BNIP5: variants seen among roughly 807,000 people sequenced by gnomAD.
BNIP5 encodes BCL2 interacting protein 5.
Under a neutral mutation model 67.3 loss-of-function variants are expected in BNIP5, and 61 were observed. The ratio of observed to expected loss-of-function variants is 0.91; its 90% CI spans 0.74 to 1.12. The LOEUF (loss-of-function observed/expected upper bound fraction) is 1.12, where lower values mean the gene tolerates loss of function less well. Ranked by LOEUF, BNIP5 falls within the 50% of genes most tolerant of loss-of-function variation. The pLI is 0.00. For synonymous variants in BNIP5, 317 were observed against 319.0 expected (o/e 0.99, Z 0.07); for missense variants, 826 against 816.3 (o/e 1.01, Z -0.14).
intron 11 of BNIP5, among the ~76,000 whole-genome samples, 199 bp downstream of exon 11, chr6:36,319,157 G>A (rs1470813516): frequency 1.3e-5 from 2 of 152,166 alleles, no homozygotes; most frequent in African/African-American, 4.8e-5. Context: ...AATCAGTGAG[G>A]TTTCAGAAAA....
In BNIP5 at chr6:36,326,659, G is replaced by T. The variant is rs1207893589; in HGVS notation, c.887C>A (p.Thr296Asn). The T allele has an allele frequency of 6.2e-7, 1 of 1,614,108 alleles. No individual in the cohort carries two copies. Among genetic ancestry groups the T allele is most frequent in the African/African-American group, 1.3e-5 (1 of 74,932 alleles). The change falls in exon 5 of 12, where the codon ACC becomes AAC. Residue 296 changes from threonine to asparagine, a missense_variant. Physicochemically the swap from Thr to Asn is moderately conservative, Grantham distance 65 (BLOSUM62 0). Transcript: ENST00000437635. ...SQEKKTSLKR[T>N]SKTNPKKHGS... ...GTGTTTCTTGGGGTTTGTCTTTGAG[G>T]TTCTCTTGAGGCTTGTCTTTTTCTC...
At position 36,326,627 on chromosome 6, in the gene BNIP5, C is replaced by T. The variant is rs761242385; in HGVS notation, c.919G>A (p.Glu307Lys). The change falls in exon 5 of 12, where the codon GAG (glutamate) becomes AAG (lysine). Residue 307 changes from glutamate (E) to lysine (K), a missense_variant. By Grantham distance (56) the Glu-to-Lys change is moderately conservative (BLOSUM62 1). Coordinates refer to ENST00000437635, the MANE Select transcript of BNIP5 (RefSeq NM_001010903.5). ...SKTNPKKHGS[E>K]EAKRGAADVS... ...TCTGCAGCCCCCCTCTTGGCCTCCT[C>T]GGAGCCGTGTTTCTTGGGGTTTGTC... 6.2e-6 allele frequency: 10 copies of T among 1,614,222 alleles called. No homozygotes were observed. Among genetic ancestry groups the T allele is most frequent in the East Asian group, 2.2e-5 (1 of 44,878 alleles).
chr6:36,324,069 C>G, intron 7 of BNIP5, 60 bp downstream of exon 7: 1 of 1,275,994 alleles, frequency 7.8e-7, no homozygotes, highest in Non-Finnish European at 1.1e-6. Flanking sequence ...AGTTGTTACA[C>G]CAGGCAGGGT....
intron 2 of BNIP5, among the ~76,000 whole-genome samples, chr6:36,328,989 T>C (rs1771825476): frequency 6.6e-6 from 1 of 152,110 alleles, no homozygotes; most frequent in South Asian, 2.1e-4. Context: ...TTTTGAGTGC[T>C]GCAAGGCAGA....
intron 7 of BNIP5, 47 bp downstream of exon 7, chr6:36,324,082 G>A (rs773604482): frequency 7.0e-7 from 1 of 1,438,074 alleles, no homozygotes; most frequent in Non-Finnish European, 9.8e-7. Flanking sequence ...GGCAGGGTTG[G>A]GGAGCCCACA....
intron 7 of BNIP5, 120 bp from the exon 8 acceptor site, chr6:36,323,653 C>T (rs1281993413): frequency 1.8e-6 from 2 of 1,138,986 alleles, no homozygotes; most frequent in Non-Finnish European, 2.5e-6. Context: ...GTGGTTGATG[C>T]TCAGTGCTGG....
intron 6 of BNIP5, among the ~76,000 whole-genome samples, chr6:36,324,530 A>AG (rs915305278): frequency 3.8e-5 from 5 of 132,788 alleles, no homozygotes; most frequent in African/African-American, 5.8e-5. Context: ...GGCAGGGGAT[A>AG]GGGGGCAGAG....
At chr6:36,333,295 G>A (rs1476987302) in intron 1 of BNIP5, among the ~76,000 whole-genome samples, 1 of 152,198 alleles carries the variant, frequency 6.6e-6, no homozygotes, top group Non-Finnish European at 1.5e-5. Context: ...TCAGGTCGGG[G>A]AGGAGGCAGG....
intron 9 of BNIP5, 37 bp downstream of exon 9, chr6:36,322,274 G>A (rs1176716120): frequency 5.6e-6 from 9 of 1,612,482 alleles, no homozygotes; most frequent in East Asian, 2.2e-5. Context: ...AGAAGCACCC[G>A]GGAAGCTGTC....
chr6:36,328,818 C>G, intron 2 of BNIP5, 104 bp from the exon 3 acceptor site: 1 of 781,832 alleles, frequency 1.3e-6, no homozygotes, highest in East Asian at 2.5e-5. Flanking sequence ...GCACAGAATT[C>G]ACAGTGCAAC....
rs770968469 is a variant in BNIP5, at chr6:36,327,146, CCTT to C, written c.728-55_728-53del. On this transcript the variant is annotated intron_variant, in intron 3 of 11. Transcript: ENST00000437635. ...ATTCTTTCTAAATGCACTGACAACTCCTTCTAAATTACCATCTTGGATAGTTCT... is the reference window on the plus strand; with the variant it reads ...ATTCTTTCTAAATGCACTGACAACTCCTAAATTACCATCTTGGATAGTTCT... 4.8e-6 allele frequency: 7 copies of C among 1,470,894 alleles called. No individual in the cohort carries two copies. In the South Asian group the frequency reaches 8.0e-5, roughly 17 times the overall value. The allele number at this position is 1,470,894 out of a possible 1,614,324, so 91.1% of individuals were successfully genotyped here.
At position 36,330,344 on chromosome 6, in the gene BNIP5, C is replaced by G; in HGVS notation, c.347G>C (p.Arg116Thr). The G allele has an allele frequency of 1.9e-6, 3 of 1,614,208 alleles. No individual in the cohort carries two copies. The highest frequency in any genetic ancestry group is 2.5e-6 in the Non-Finnish European group (3 of 1,180,038). Reference sequence around the variant, plus strand: ...CCTTGGCCTCCTGCTGGCCTTTTCTCTGGGCTCCTCAGGGCCCGTCCTCAC... The same window carrying G: ...CCTTGGCCTCCTGCTGGCCTTTTCTGTGGGCTCCTCAGGGCCCGTCCTCAC... ...FFVRTGPEEP[R>T]EKASRRPRGK... The change falls in exon 2 of 12, where the codon AGA becomes ACA. Residue 116 changes from arginine (R) to threonine (T), a missense_variant. Arg to Thr is a moderately conservative substitution (Grantham distance 71). Coordinates refer to ENST00000437635, the MANE Select transcript of BNIP5 (RefSeq NM_001010903.5).
At position 36,330,094 on chromosome 6, in the gene BNIP5, G is replaced by A; in HGVS notation, c.597C>T (p.Gly199=). 1.2e-6 allele frequency: 2 copies of A among 1,605,572 alleles called. No individual in the cohort carries two copies. The highest frequency in any genetic ancestry group is 1.7e-6 in the Non-Finnish European group (2 of 1,178,790). ...CGGTCCGCTCACCCCTGCGAGCTGG[G>A]CCCAGGTCAGCCTCCCCGGAGCGCA... ...AALRSGEADL[G]PARRGGEDSD... Residue 199 remains glycine (G), a synonymous_variant, in exon 2 of 12, where the codon GGC becomes GGT. Coordinates refer to ENST00000437635, the MANE Select transcript of BNIP5 (RefSeq NM_001010903.5).
intron 1 of BNIP5, 23 bp from the exon 2 acceptor site, chr6:36,330,717 C>G: frequency 1.3e-5 from 20 of 1,522,942 alleles, no homozygotes; most frequent in Non-Finnish European, 1.7e-5. Context: ...CACACAGCTC[C>G]CTTAGTTTTT....
At chr6:36,320,371 A>G (rs1381971047) in intron 10 of BNIP5, among the ~76,000 whole-genome samples, 1 of 152,190 alleles carries the variant, frequency 6.6e-6, no homozygotes, top group Non-Finnish European at 1.5e-5. Flanking sequence ...GTTATACCCC[A>G]CAAAGGCAAG....
rs770800365 is a variant in BNIP5, at chr6:36,322,295, C to A, written c.1603+16G>T. 1.2e-6 allele frequency: 2 copies of A among 1,613,812 alleles called. No individual in the cohort carries two copies. Among genetic ancestry groups the A allele is most frequent in the African/African-American group, 1.3e-5 (1 of 74,894 alleles). ...ACCCGGGAAGCTGTCCAGGTAAGAGCAGGGGTGTTACTGACTAGATTCACA... is the reference window on the plus strand; with the variant it reads ...ACCCGGGAAGCTGTCCAGGTAAGAGAAGGGGTGTTACTGACTAGATTCACA... On this transcript the variant is annotated intron_variant, in intron 9 of 11. Transcript: ENST00000437635.
At chr6:36,319,277 A>C (rs1771581150) in intron 11 of BNIP5, 79 bp downstream of exon 11, 2 of 1,549,518 alleles carry the variant, frequency 1.3e-6, no homozygotes, top group African/African-American at 2.7e-5. Context: ...GAGGAGGATA[A>C]GTAGATCCCA....
chr6:36,329,117 G>C (rs1157678803), intron 2 of BNIP5, among the ~76,000 whole-genome samples: 1 of 152,192 alleles, frequency 6.6e-6, no homozygotes, highest in Non-Finnish European at 1.5e-5. Context: ...AAGTTCTAGA[G>C]GGAGCAGCTC....
intron 1 of BNIP5, among the ~76,000 whole-genome samples, chr6:36,332,978 T>C (rs1276713672): frequency 2.6e-5 from 4 of 152,212 alleles, no homozygotes. Flanking sequence ...CCAAGTAATG[T>C]TTAGTGGTAT....
Sources: gnomAD v4.1 joint callset for allele counts (sites outside exome capture counted in the v4.1 genomes callset) on GRCh38, gnomAD v4.1.1 for gene constraint, MANE v1.5 for transcripts, NCBI Gene and HGNC (gene_info 2026-07-23, HGNC 2026-07-21) for gene names.